Variants in CLHC1 observed in about 807,000 individuals in gnomAD.
CLHC1 encodes the protein clathrin heavy chain linker domain-containing protein 1.
In CLHC1, 72 loss-of-function variants were observed where a neutral mutation model predicts 69.5. The ratio of observed to expected loss-of-function variants is 1.04; its 90% confidence interval spans 0.86 to 1.26. The LOEUF (loss-of-function observed/expected upper bound fraction) is 1.26, where lower values mean the gene tolerates loss of function less well. Among genes scored for constraint, CLHC1 ranks in the 50% most tolerant of loss-of-function variants. The probability of loss-of-function intolerance (pLI) is 0.00; values close to 1 mark genes in which losing one functional copy is unlikely to be tolerated. For synonymous variants in CLHC1, 223 were observed against 224.3 expected, an observed-to-expected ratio of 0.99 and a Z score of 0.05; for missense variants, 790 against 679.3, an observed-to-expected ratio of 1.16 and a Z score of -1.81.
chr2:55,202,478 C>T (rs1221260390), intron 9 of CLHC1, among the ~76,000 whole-genome samples: 1 of 151,412 alleles, frequency 6.6e-6, no homozygotes, highest in Non-Finnish European at 1.5e-5. Flanking sequence ...ATTGCTTGAA[C>T]CCAGGAGGCG....
At chr2:55,177,858 C>G (rs1424189550) in intron 11 of CLHC1, 77 bp from the exon 12 acceptor site, 1 of 1,008,702 alleles carries the variant, frequency 9.9e-7, no homozygotes, top group Admixed American at 2.5e-5. Context: ...TAGCTAATGT[C>G]TATACCTGCC....
chr2:55,181,619 A>T lies in CLHC1; in HGVS notation c.1132T>A (p.Leu378Ile). The change falls in exon 10 of 13, where the codon TTA (leucine) becomes ATA (isoleucine). Residue 378 changes from leucine (L) to isoleucine (I), a missense_variant. Physicochemically the swap from Leu to Ile is conservative, Grantham distance 5. Transcript: ENST00000401408. ...ALTLEGIKCGLSEKRLDLVTN... is the reference protein window; with the variant it reads ...ALTLEGIKCGISEKRLDLVTN... ...ACTAAATCTAACCGTTTTTCTGATA[A>T]TCCACATTTGATTCCTTCCAGGGTT... The T allele has an allele frequency of 2.5e-6, 4 of 1,613,460 alleles. No individual in the cohort carries two copies. The highest frequency in any genetic ancestry group is 3.4e-6 in the Non-Finnish European group (4 of 1,179,876).
At chr2:55,179,786 G>C (rs1188635579) in intron 11 of CLHC1, among the ~76,000 whole-genome samples, 4 of 152,064 alleles carry the variant, frequency 2.6e-5, no homozygotes, top group Non-Finnish European at 5.9e-5. Flanking sequence ...TCAGATTACT[G>C]TTCAATTGTG....
chr2:55,195,832 A>AACAAAAAAAACTACCT (rs1292630197), intron 9 of CLHC1, among the ~76,000 whole-genome samples: 1 of 152,064 alleles, frequency 6.6e-6, no homozygotes, highest in Non-Finnish European at 1.5e-5. Context: ...AAAGAACAAA[A>AACAAAAAAAACTACCT]ACAAAAAAAA....
intron 9 of CLHC1, among the ~76,000 whole-genome samples, chr2:55,182,933 G>C (rs1351457414): frequency 6.6e-6 from 1 of 152,120 alleles, no homozygotes; most frequent in Non-Finnish European, 1.5e-5. Context: ...AGGCACAATG[G>C]AAAGTCCCCA....
intron 9 of CLHC1, among the ~76,000 whole-genome samples, chr2:55,184,102 C>CTTTCTTTTTT (rs1553343084): frequency 1.8e-4 from 2 of 10,914 alleles, no homozygotes; most frequent in Non-Finnish European, 1.7e-4. Context: ...TTCTTTCTTT[C>CTTTCTTTTTT]TTTATTTTTT....
At chr2:55,204,814 G>A (rs1672285466) in intron 9 of CLHC1, among the ~76,000 whole-genome samples, 1 of 152,160 alleles carries the variant, frequency 6.6e-6, no homozygotes, top group Non-Finnish European at 1.5e-5. Flanking sequence ...ATTATGTTAG[G>A]TGAAATAAGC....
At chr2:55,194,717 TCAAC>T (rs879624344) in intron 9 of CLHC1, among the ~76,000 whole-genome samples, 1 of 152,068 alleles carries the variant, frequency 6.6e-6, no homozygotes, top group Non-Finnish European at 1.5e-5. Flanking sequence ...TATACAAAAG[TCAAC>T]TGAATTTTTT....
In CLHC1 at chr2:55,175,720, A is replaced by T; in HGVS notation, c.*70T>A. The T allele has an allele frequency of 9.6e-7, 1 of 1,037,826 alleles. No individual in the cohort carries two copies. The highest frequency in any genetic ancestry group is 1.4e-6 in the Non-Finnish European group (1 of 701,784). 64.3% of individuals were successfully genotyped at this position (1,037,826 alleles called of 1,614,324 possible). On this transcript the variant is annotated 3_prime_UTR_variant, in exon 13 of 13. Coordinates refer to ENST00000401408, the MANE Select transcript of CLHC1 (RefSeq NM_152385.4). The stretch of plus-strand genomic sequence containing the variant: ...GATTTATTTATAAGTTAGTTACGTT[A>T]AAATCAGTTTTTCCCAACCAGCATA...
chr2:55,214,751 T>C (rs969952269), intron 4 of CLHC1: 1 of 152,186 alleles, frequency 6.6e-6, no homozygotes, highest in African/African-American at 2.4e-5. Flanking sequence ...TACTTGTATA[T>C]GAATTTTCAG....
rs888147707 is a variant in CLHC1 at position 55,230,438 on chromosome 2, G to A, written c.-256+1785C>T. On this transcript the variant is annotated intron_variant, in intron 1 of 12. Transcript: ENST00000401408. ...CATTAGAGATGTTGAGTAGATAGCT[G>A]GATATGTGAAGATGAAGTTGTGACA... Among the ~76,000 whole-genome samples, 3 of 152,164 alleles carry A rather than the reference G, an allele frequency of 2.0e-5. No individual in the cohort carries two copies. The East Asian group carries it at 5.8e-4, about 29-fold the overall frequency.
At chr2:55,204,270 G>A (rs2103894116) in intron 9 of CLHC1, among the ~76,000 whole-genome samples, 1 of 152,182 alleles carries the variant, frequency 6.6e-6, no homozygotes, top group African/African-American at 2.4e-5. Context: ...GGCAACAAGA[G>A]GGAAACTCTG....
rs1671375210 is a variant in CLHC1 at position 55,195,982 on chromosome 2, A to G, written c.1006+10288T>C. On this transcript the variant is annotated intron_variant, in intron 9 of 12. Coordinates refer to ENST00000401408, the MANE Select transcript of CLHC1 (RefSeq NM_152385.4). The stretch of plus-strand genomic sequence containing the variant: ...TGAATTGCCAACTCACCACTCCCCC[A>G]TCCTTTGGCAGTGGCCACGTGCCAT... Among the ~76,000 whole-genome samples, 3 of 152,292 alleles carry G rather than the reference A, an allele frequency of 2.0e-5. No individual in the cohort carries two copies. The South Asian group carries it at 6.2e-4, about 32-fold the overall frequency.
At chr2:55,195,333 G>T (rs1284213854) in intron 9 of CLHC1, among the ~76,000 whole-genome samples, 1 of 152,118 alleles carries the variant, frequency 6.6e-6, no homozygotes, top group East Asian at 1.9e-4. Flanking sequence ...TGTGCTCCAG[G>T]TTTATCCATG....
intron 2 of CLHC1, among the ~76,000 whole-genome samples, chr2:55,226,325 G>A (rs1392663563): frequency 6.6e-6 from 1 of 151,982 alleles, no homozygotes; most frequent in East Asian, 1.9e-4. Flanking sequence ...AATAATGGCT[G>A]GCAAGGCAAC....
chr2:55,220,104 C>T (rs1198800226), intron 3 of CLHC1, among the ~76,000 whole-genome samples: 1 of 152,162 alleles, frequency 6.6e-6, no homozygotes, highest in African/African-American at 2.4e-5. Flanking sequence ...CTAGGTTTTT[C>T]ACTCACCCTA....
At chr2:55,224,443 T>C (rs893484612) in intron 2 of CLHC1, 2 of 421,124 alleles carry the variant, frequency 4.7e-6, no homozygotes, top group East Asian at 6.2e-5. Flanking sequence ...CCTCCGACAA[T>C]GTCAGATTCC....
At chr2:55,219,566 A>C (rs572562571) in intron 3 of CLHC1, among the ~76,000 whole-genome samples, 71 of 152,240 alleles carry the variant, frequency 4.7e-4, no homozygotes, top group African/African-American at 1.7e-3. Flanking sequence ...TTATTTATTC[A>C]TGGTTTTATT....
chr2:55,179,315 G>A (rs1669692911), intron 11 of CLHC1, among the ~76,000 whole-genome samples: 1 of 151,770 alleles, frequency 6.6e-6, no homozygotes, highest in African/African-American at 2.4e-5. Context: ...TACTATTTTT[G>A]CATCTATAAA....
Sources: gnomAD v4.1 joint callset for allele counts (sites outside exome capture counted in the v4.1 genomes callset) on GRCh38, gnomAD v4.1.1 for gene constraint, MANE v1.5 for transcripts, NCBI Gene and HGNC (gene_info 2026-07-23, HGNC 2026-07-21) for gene names.